The following COL4A2 variants were observed in gnomAD, a reference collection of about 807,000 sequenced individuals.
The protein encoded by COL4A2 is collagen alpha-2(IV) chain.
In COL4A2, 99 loss-of-function variants were observed where a neutral mutation model predicts 200.2. That is an observed-to-expected ratio of 0.49 (90% CI 0.42 to 0.58). The LOEUF (loss-of-function observed/expected upper bound fraction) is 0.58. Ranked by LOEUF, COL4A2 falls within the 20% of genes least tolerant of loss-of-function variation. The probability of loss-of-function intolerance (pLI) is 0.00; values close to 1 mark genes in which losing one functional copy is unlikely to be tolerated. For synonymous variants in COL4A2, 897 were observed against 900.6 expected (o/e 1.00, Z 0.07); for missense variants, 1,950 against 2,314.1 (o/e 0.84, Z 3.23).
chr13:110,416,979 ACTTTT>A (rs1332997266), intron 4 of COL4A2, among the ~76,000 whole-genome samples: 3 of 147,458 alleles, frequency 2.0e-5, no homozygotes, highest in Admixed American at 6.8e-5. Flanking sequence ...TCCCTGGCAG[ACTTTT>A]CTTTTTTTTT....
At chr13:110,430,728 C>T (rs1330854779) in intron 10 of COL4A2, 121 bp downstream of exon 10, 10 of 1,329,910 alleles carry the variant, frequency 7.5e-6, no homozygotes, top group Middle Eastern at 1.8e-4. Context: ...TGCTTATAGG[C>T]GTAGCAGAGA....
At chr13:110,506,390 A>C in intron 45 of COL4A2, 25 bp from the exon 46 acceptor site, 1 of 1,586,946 alleles carries the variant, frequency 6.3e-7, no homozygotes, top group Non-Finnish European at 8.6e-7. Flanking sequence ...CAGGCCGTCC[A>C]CTCTCTCTCT....
intron 47 of COL4A2, among the ~76,000 whole-genome samples, chr13:110,510,602 T>C (rs544925789): frequency 9.0e-5 from 13 of 144,336 alleles, no homozygotes; most frequent in Non-Finnish European, 1.7e-4. Flanking sequence ...TAGGGGTGTG[T>C]ACACAAGCAT....
chr13:110,472,419 C>T (rs1407089795), intron 28 of COL4A2, among the ~76,000 whole-genome samples: 1 of 152,138 alleles, frequency 6.6e-6, no homozygotes, highest in Non-Finnish European at 1.5e-5. Context: ...GTCAATACAA[C>T]AGAGGGGTGT....
intron 4 of COL4A2, among the ~76,000 whole-genome samples, chr13:110,412,553 C>G (rs866503577): frequency 6.6e-6 from 1 of 152,238 alleles, no homozygotes; most frequent in Non-Finnish European, 1.5e-5. Context: ...GATTTTAAAA[C>G]AGAGACATTC....
chr13:110,461,909 C>T (rs933527248), intron 22 of COL4A2: 2 of 657,392 alleles, frequency 3.0e-6, no homozygotes, highest in African/African-American at 3.6e-5. Context: ...TTCCAGTGCT[C>T]CACAGCCACT....
In COL4A2 at chr13:110,417,009, TCTCA is replaced by T. The variant is rs1222112145; in HGVS notation, c.181-7721_181-7718del. On this transcript the variant is annotated intron_variant, in intron 4 of 47. Coordinates refer to ENST00000360467, the MANE Select transcript of COL4A2 (RefSeq NM_001846.4). ...TCTTTTTTTTTTTTTTGAGACAGAGTCTCACTCTGTTGCCAGGCTGGAGTGCAGT... is the reference window on the plus strand; with the variant it reads ...TCTTTTTTTTTTTTTTGAGACAGAGTCTCTGTTGCCAGGCTGGAGTGCAGT... Among the ~76,000 whole-genome samples, 5 of 150,474 alleles carry T rather than the reference TCTCA, an allele frequency of 3.3e-5. No homozygotes were observed. The East Asian group carries it at 9.8e-4, about 29-fold the overall frequency.
chr13:110,425,000 A>G lies in COL4A2; in HGVS notation c.360+3A>G. 6.2e-7 allele frequency: 1 copy of G among 1,614,228 alleles called. No individual in the cohort carries two copies. The highest frequency in any genetic ancestry group is 8.5e-7 in the Non-Finnish European group (1 of 1,180,042). On this transcript the variant is annotated splice_donor_region_variant and intron_variant, in intron 6 of 47. Transcript: ENST00000360467. ...TCCCTGGTGCCGATGGAATTCCTGT[A>G]AGTTTTATGGAAGACTGGAATTTTA...
intron 45 of COL4A2, among the ~76,000 whole-genome samples, chr13:110,505,095 A>C (rs1883797371): frequency 6.6e-6 from 1 of 151,894 alleles, no homozygotes; most frequent in South Asian, 2.1e-4. Flanking sequence ...TCACGCCTGT[A>C]ATCCCAGCAC....
intron 16 of COL4A2, among the ~76,000 whole-genome samples, chr13:110,440,816 C>T (rs947597508): frequency 3.3e-5 from 5 of 152,150 alleles, no homozygotes; most frequent in African/African-American, 7.2e-5. Flanking sequence ...CTGACAGCCC[C>T]TTGGGTCTCA....
At chr13:110,316,264 A>G (rs1031808008) in intron 3 of COL4A2, among the ~76,000 whole-genome samples, 1 of 152,122 alleles carries the variant, frequency 6.6e-6, no homozygotes, top group Admixed American at 6.5e-5. Flanking sequence ...CTGACTGTGG[A>G]GTAATGGGAC....
intron 3 of COL4A2, among the ~76,000 whole-genome samples, chr13:110,345,714 T>C (rs1204723189): frequency 6.6e-6 from 1 of 152,122 alleles, no homozygotes; most frequent in Non-Finnish European, 1.5e-5. Context: ...GGTGGCCATC[T>C]ATATTAGGGG....
chr13:110,379,594 C>T (rs1173363896), intron 4 of COL4A2, among the ~76,000 whole-genome samples: 1 of 152,208 alleles, frequency 6.6e-6, no homozygotes, highest in African/African-American at 2.4e-5. Flanking sequence ...CCAAATCCAA[C>T]TCTGGAGGTG....
At chr13:110,326,459 G>A (rs1024826890) in intron 3 of COL4A2, among the ~76,000 whole-genome samples, 3 of 152,096 alleles carry the variant, frequency 2.0e-5, no homozygotes, top group Admixed American at 6.6e-5. Context: ...GAGTCACGGC[G>A]TCTTGGCAAG....
At chr13:110,430,709 C>T in intron 10 of COL4A2, 102 bp downstream of exon 10, 1 of 1,444,800 alleles carries the variant, frequency 6.9e-7, no homozygotes. Context: ...GCTTTAAGAA[C>T]AACTATGATG....
At position 110,478,107 on chromosome 13, in the gene COL4A2, C is replaced by A. The variant is rs763705148; in HGVS notation, c.2530C>A (p.Pro844Thr). The A allele has an allele frequency of 6.2e-7, 1 of 1,602,976 alleles. No homozygotes were observed. Among genetic ancestry groups the A allele is most frequent in the Non-Finnish European group, 8.5e-7 (1 of 1,173,668 alleles). Residue 844 changes from proline to threonine, a missense_variant, in exon 30 of 48, where the codon CCA becomes ACA. Transcript: ENST00000360467. ...TGGGCCTCCAGGACTGCATGGATTC[C>A]CAGGAGCTCCTGGCCAAGAGGGGCC... ...LYGPPGLHGF[P>T]GAPGQEGPLG... is the part of the protein sequence containing the mutation.
Position 110,507,078 on chromosome 13 carries a change from C to T in COL4A2, c.4594+472C>T, listed in dbSNP as rs1177908897. Among the ~76,000 whole-genome samples, 9 of 152,134 alleles carry T rather than the reference C, an allele frequency of 5.9e-5. No homozygotes were observed. The East Asian group carries it at 7.7e-4, about 13-fold the overall frequency. On this transcript the variant is annotated intron_variant, in intron 46 of 47. Transcript: ENST00000360467. ...AGGAAGCCTTTGAAAGGCATTAACG[C>T]GACTTCGAATACAGAAAATGCAATA...
chr13:110,402,076 T>G (rs2139431455), intron 4 of COL4A2, among the ~76,000 whole-genome samples: 1 of 152,262 alleles, frequency 6.6e-6, no homozygotes, highest in East Asian at 1.9e-4. Flanking sequence ...CTCCCAAAAT[T>G]TATATCCTTC....
At chr13:110,331,113 A>T (rs531895178) in intron 3 of COL4A2, among the ~76,000 whole-genome samples, 1 of 152,272 alleles carries the variant, frequency 6.6e-6, no homozygotes, top group African/African-American at 2.4e-5. Flanking sequence ...GAAAGATCAC[A>T]ATGGTCTTAC....
Sources: gnomAD v4.1 joint callset for allele counts (sites outside exome capture counted in the v4.1 genomes callset) on GRCh38, gnomAD v4.1.1 for gene constraint, MANE v1.5 for transcripts, NCBI Gene and HGNC (gene_info 2026-07-23, HGNC 2026-07-21) for gene names.